The following TDRD1 variants were observed in gnomAD, a reference collection of about 807,000 sequenced individuals.
TDRD1 encodes the protein tudor domain containing 1.
TDRD1 carries 37 observed loss-of-function variants against 140.6 expected under a neutral mutation model. The ratio of observed to expected loss-of-function variants is 0.26; its 90% CI spans 0.20 to 0.35. The LOEUF (loss-of-function observed/expected upper bound fraction) is 0.35. Among genes scored for constraint, TDRD1 ranks in the 10% least tolerant of loss-of-function variants. The pLI, the probability that TDRD1 is intolerant of heterozygous loss-of-function variation, is 1.00. For synonymous variants in TDRD1, 506 were observed against 475.7 expected, an observed-to-expected ratio of 1.06 and a Z score of -0.83; for missense variants, 1,243 against 1,393.0, an observed-to-expected ratio of 0.89 and a Z score of 1.71.
exon 23 of TDRD1, chr10:114,227,201 A>C (rs764934614): frequency 5.0e-6 from 8 of 1,614,084 alleles, no homozygotes; most frequent in Non-Finnish European, 6.8e-6. Flanking sequence ...TCAGTTGAGA[A>C]ATGTTCTGAG....
At chr10:114,177,195 G>A (rs1186943636), upstream of TDRD1, among the ~76,000 whole-genome samples, 31 of 152,158 alleles carry the variant, frequency 2.0e-4, no homozygotes, top group Admixed American at 2.0e-3. Flanking sequence ...TGCAGATACT[G>A]CATCCTCAAA....
At chr10:114,181,488 G>C (rs564287103) in intron 1 of TDRD1, among the ~76,000 whole-genome samples, 2 of 152,302 alleles carry the variant, frequency 1.3e-5, no homozygotes, top group East Asian at 3.9e-4. Context: ...TTGTGATTCA[G>C]ATATTCCCAG....
upstream of TDRD1, among the ~76,000 whole-genome samples, chr10:114,178,332 A>G (rs1295661928): frequency 6.6e-6 from 1 of 152,234 alleles, no homozygotes; most frequent in East Asian, 1.9e-4. Flanking sequence ...ACTCCAAAGC[A>G]GTGGGTCAGC....
chr10:114,229,797 A>G lies in TDRD1; in HGVS notation c.3538+1672A>G, dbSNP rs551563538. 1.9e-3 allele frequency among the ~76,000 whole-genome samples: 283 copies of G among 149,554 alleles called. 1 individual carries two copies. The highest frequency in any genetic ancestry group is 3.3e-3 in the Non-Finnish European group (220 of 67,458). ...ATTTCTGGAATTTAGTCCTAGTATC[A>G]AGTCACTATATATATATATATTTTT... On this transcript the variant is annotated intron_variant, in intron 25 of 25. Coordinates refer to ENST00000251864, the Ensembl canonical transcript of TDRD1.
intron 8 of TDRD1, 39 bp from the exon 9 acceptor site, chr10:114,204,034 G>A (rs374707042): frequency 6.3e-7 from 1 of 1,574,944 alleles, no homozygotes. Flanking sequence ...ATTGTGAAAT[G>A]CTGTTATGAA....
chr10:114,192,735 C>T (rs568872179), intron 3 of TDRD1, among the ~76,000 whole-genome samples: 1 of 152,280 alleles, frequency 6.6e-6, no homozygotes, highest in African/African-American at 2.4e-5. Context: ...TGCTTTCACA[C>T]ATTTGCCAAA....
At chr10:114,203,504 G>T (rs1319281117) in exon 8 of TDRD1, 1 of 1,613,722 alleles carries the variant, frequency 6.2e-7, no homozygotes, top group Non-Finnish European at 8.5e-7. Flanking sequence ...ATGCAAATGT[G>T]CATGAAAAAG....
At chr10:114,206,154 T>C (rs1317044899) in intron 10 of TDRD1, 90 bp from the exon 11 acceptor site, 5 of 952,380 alleles carry the variant, frequency 5.3e-6, no homozygotes, top group Non-Finnish European at 8.2e-6. Flanking sequence ...GAACGTGTGT[T>C]GTATGATTGA....
chr10:114,215,175 GT>G, intron 16 of TDRD1, among the ~76,000 whole-genome samples: 1 of 150,924 alleles, frequency 6.6e-6, no homozygotes, highest in East Asian at 1.9e-4. Context: ...CCCCTGCACT[GT>G]GAGATTGTTA....
At position 114,214,957 on chromosome 10, in the gene TDRD1, G is replaced by A. The variant is rs577475740; in HGVS notation, c.2212+843G>A. Among the ~76,000 whole-genome samples the A allele has an allele frequency of 2.6e-5, 4 of 152,054 alleles. No homozygotes were observed. The East Asian group carries it at 7.7e-4, about 29-fold the overall frequency. On this transcript the variant is annotated intron_variant, in intron 16 of 25. Transcript: ENST00000251864. ...GGGGTTTCACCGTGTTAGCCAGGAT[G>A]GTCTCGATCTCCTGACCTTGTGAAT...
chr10:114,210,595 G>A (rs2035419819), exon 12 of TDRD1: 5 of 1,593,426 alleles, frequency 3.1e-6, no homozygotes, highest in Non-Finnish European at 4.3e-6. Context: ...TCCTGAAGAT[G>A]TTGGAAAAAT....
At chr10:114,177,701 T>C (rs1326464251), upstream of TDRD1, among the ~76,000 whole-genome samples, 1 of 152,238 alleles carries the variant, frequency 6.6e-6, no homozygotes, top group African/African-American at 2.4e-5. Flanking sequence ...TAGTTAATAC[T>C]GTATCAATGT....
At chr10:114,219,596 T>C (rs563339563) in intron 18 of TDRD1, among the ~76,000 whole-genome samples, 1 of 151,122 alleles carries the variant, frequency 6.6e-6, no homozygotes, top group South Asian at 2.1e-4. Flanking sequence ...AATTTTTTTT[T>C]TTTTTTTTGA....
chr10:114,217,748 A>G, intron 17 of TDRD1, 93 bp downstream of exon 17: 2 of 655,174 alleles, frequency 3.1e-6, no homozygotes, highest in South Asian at 3.8e-5. Flanking sequence ...TGCTTAAGCA[A>G]ACATTTTTCA....
At chr10:114,222,074 C>A (rs1166495700) in intron 20 of TDRD1, among the ~76,000 whole-genome samples, 1 of 152,086 alleles carries the variant, frequency 6.6e-6, no homozygotes, top group Non-Finnish European at 1.5e-5. Flanking sequence ...ACTTTTGTTT[C>A]AAATTTTCAA....
rs746006510 is a variant in TDRD1, at chr10:114,206,345, A to G, written c.1384+15A>G. 9.3e-6 allele frequency: 15 copies of G among 1,605,714 alleles called. 1 individual carries two copies. In the South Asian group the frequency reaches 1.7e-4, roughly 18 times the overall value. ...TGCAGATCAAAGTGAGTATAGATTG[A>G]TATTGAACGGTATAGCGACTTCAGT... On this transcript the variant is annotated intron_variant, in intron 11 of 25. Transcript: ENST00000251864.
intron 11 of TDRD1, among the ~76,000 whole-genome samples, chr10:114,206,611 G>GTTTTTTTTTTTTTTTTTT (rs33936742): frequency 9.4e-6 from 1 of 105,992 alleles, no homozygotes; most frequent in African/African-American, 3.6e-5. Flanking sequence ...GTTAGGGTTT[G>GTTTTTTTTTTTTTTTTTT]TTTTTTTTTT....
intron 3 of TDRD1, among the ~76,000 whole-genome samples, chr10:114,197,446 C>G (rs1338147238): frequency 1.3e-5 from 2 of 151,984 alleles, no homozygotes; most frequent in Non-Finnish European, 2.9e-5. Flanking sequence ...GGGAGACTCC[C>G]TATTCATTTG....
upstream of TDRD1, among the ~76,000 whole-genome samples, chr10:114,177,310 A>G: frequency 6.6e-6 from 1 of 152,226 alleles, no homozygotes; most frequent in East Asian, 1.9e-4. Flanking sequence ...AATATAGTAG[A>G]AAGACCCAAC....
Sources: gnomAD v4.1 joint callset for allele counts (sites outside exome capture counted in the v4.1 genomes callset) on GRCh38, gnomAD v4.1.1 for gene constraint, MANE v1.5 for transcripts, NCBI Gene and HGNC (gene_info 2026-07-23, HGNC 2026-07-21) for gene names.